The following HAUS4 variants were observed in gnomAD, a reference collection of about 807,000 sequenced individuals.
The protein encoded by HAUS4 is HAUS augmin-like complex subunit 4.
HAUS4 carries 34 observed loss-of-function variants against 50.6 expected under a neutral mutation model. The ratio of observed to expected loss-of-function variants is 0.67; its 90% CI spans 0.51 to 0.90. The LOEUF (loss-of-function observed/expected upper bound fraction) is 0.90, where lower values mean the gene tolerates loss of function less well. Among genes scored for constraint, HAUS4 ranks in the 40% least tolerant of loss-of-function variants. HAUS4 has a pLI of 0.00. For missense variants in HAUS4, 370 were observed against 428.7 expected, an observed-to-expected ratio of 0.86 and a Z score of 1.21; for synonymous variants, 149 against 161.4, an observed-to-expected ratio of 0.92 and a Z score of 0.58.
At chr14:22,955,241 T>G (rs1267110952) in intron 1 of HAUS4, 65 bp from the exon 2 acceptor site, 2 of 957,852 alleles carry the variant, frequency 2.1e-6, no homozygotes, top group Non-Finnish European at 3.4e-6. Flanking sequence ...CCAAGGACAC[T>G]ACCTTATGTT....
At chr14:22,949,170 A>G (rs1193228461) in intron 6 of HAUS4, among the ~76,000 whole-genome samples, 1 of 151,298 alleles carries the variant, frequency 6.6e-6, no homozygotes, top group South Asian at 2.1e-4. Context: ...AAAAAAAAAA[A>G]AAAGAAATGG....
intron 2 of HAUS4, chr14:22,954,337 A>G (rs1351063134): frequency 6.6e-6 from 1 of 152,204 alleles, no homozygotes; most frequent in Non-Finnish European, 1.5e-5. Flanking sequence ...TAAGGTACTG[A>G]AGCATCCAAT....
intron 5 of HAUS4, 163 bp downstream of exon 5, chr14:22,951,391 CA>C: frequency 1.4e-6 from 1 of 714,176 alleles, no homozygotes; most frequent in Non-Finnish European, 2.4e-6. Context: ...TGCAGTATTT[CA>C]GCTTTTACTT....
intron 6 of HAUS4, among the ~76,000 whole-genome samples, chr14:22,948,460 G>T (rs28425728): frequency 2.9e-5 from 4 of 139,622 alleles, no homozygotes; most frequent in Non-Finnish European, 6.2e-5. Flanking sequence ...AAAGCGGGGG[G>T]GGGGAGGGCA....
At chr14:22,951,735 T>C in intron 4 of HAUS4, 46 bp from the exon 5 acceptor site, 1 of 1,547,812 alleles carries the variant, frequency 6.5e-7, no homozygotes, top group South Asian at 1.2e-5. Context: ...CTATAAAACT[T>C]CTCCCACTCC....
intron 2 of HAUS4, among the ~76,000 whole-genome samples, chr14:22,954,135 C>T (rs1209300444): frequency 6.6e-6 from 1 of 152,146 alleles, no homozygotes; most frequent in Non-Finnish European, 1.5e-5. Context: ...ACAGCACAGG[C>T]ATGAGAAAAA....
chr14:22,955,645 G>C (rs1474240567), intron 1 of HAUS4: 1 of 151,842 alleles, frequency 6.6e-6, no homozygotes, highest in East Asian at 1.9e-4. Flanking sequence ...TTCTTTTTTT[G>C]TCTAAGATCT....
rs2139293430 is a variant in HAUS4 at position 22,948,394 on chromosome 14, G to A, written c.563-381C>T. 1.4e-5 allele frequency among the ~76,000 whole-genome samples: 2 copies of A among 138,404 alleles called. 1 individual carries two copies. The highest frequency in any genetic ancestry group is 7.8e-3 in the Middle Eastern group (2 of 258). The allele number at this position is 138,404 out of a possible 152,430, so 90.8% of individuals were successfully genotyped here. A position where few individuals can be genotyped will look rare whatever the true frequency, so the allele number is the denominator to read the frequency against. ...GAGCCCAGAAGGTCGAGGCTGCAGT[G>A]AGGTGTGATTGTACCACTGCACTCC... On this transcript the variant is annotated intron_variant, in intron 6 of 9. Coordinates refer to ENST00000541587, the MANE Select transcript of HAUS4 (RefSeq NM_001166269.2).
chr14:22,947,069 C>G, intron 9 of HAUS4, 102 bp downstream of exon 9: 1 of 806,892 alleles, frequency 1.2e-6, no homozygotes, highest in Non-Finnish European at 2.2e-6. Context: ...CAGGTGTGAG[C>G]CACTGTGCCC....
At position 22,952,678 on chromosome 14, in the gene HAUS4, T is replaced by C. The variant is rs749334427; in HGVS notation, c.61A>G (p.Ser21Gly). The C allele has an allele frequency of 1.3e-6, 2 of 1,599,770 alleles. No homozygotes were observed. Among genetic ancestry groups the C allele is most frequent in the Non-Finnish European group, 1.7e-6 (2 of 1,175,562 alleles). The change falls in exon 3 of 10, where the codon AGC becomes GGC. Residue 21 changes from serine to glycine, a missense_variant. Transcript: ENST00000541587. ...AGGTTACAAGGAGGAAGTTGTTTGC[T>C]GCACACTTAACATCATGTCCCCACA... The part of the protein sequence containing the change: ...EGMEILQQVC[S>G]KQLPPCNLSK...
chr14:22,947,264 C>A (rs769128060), intron 8 of HAUS4, 25 bp from the exon 9 acceptor site: 1 of 1,532,374 alleles, frequency 6.5e-7, no homozygotes. Context: ...AAAGAAATGT[C>A]AAGGCAGGAA....
At chr14:22,946,805 A>G in intron 9 of HAUS4, 97 bp from the exon 10 acceptor site, 1 of 773,696 alleles carries the variant, frequency 1.3e-6, no homozygotes, top group Middle Eastern at 3.2e-4. Flanking sequence ...TTTTTGTCAG[A>G]TGGAGTCTCG....
chr14:22,951,936 C>T (rs1271428263), intron 4 of HAUS4, among the ~76,000 whole-genome samples: 2 of 152,342 alleles, frequency 1.3e-5, no homozygotes, highest in African/African-American at 4.8e-5. Flanking sequence ...AAAGCTCCTA[C>T]TTCCCCTAGA....
rs369913534 is a variant in HAUS4, at chr14:22,947,919, C to T, written c.657G>A (p.Gln219=). 5.6e-6 allele frequency: 9 copies of T among 1,614,042 alleles called. No homozygotes were observed. Among genetic ancestry groups the T allele is most frequent in the Non-Finnish European group, 7.6e-6 (9 of 1,180,026 alleles). ...EQQQCQDAKS[Q]QKEQMLLLEK... ...CCAGCAGCAACATCTGCTCCTTCTG[C>T]TGGCTCTTGGCATCCTGGCACTGCT... Residue 219 remains glutamine, a synonymous_variant, in exon 7 of 10, where the codon CAG becomes CAA. Transcript: ENST00000541587.
At position 22,952,561 on chromosome 14, in the gene HAUS4, G is replaced by C; in HGVS notation, c.178C>G (p.Leu60Val). Residue 60 changes from leucine (L) to valine (V), a missense_variant, in exon 3 of 10, where the codon CTA becomes GTA. Physicochemically the swap from Leu to Val is conservative, Grantham distance 32. Transcript: ENST00000541587. The part of the protein sequence containing the change: ...HVDESGLSLT[L>V]AKEQAQAWKE... Reference sequence around the variant, plus strand: ...CTTACCTGAGCCTGCTCCTTTGCTAGGGTGAGGCTTAAGCCACTCTCATCC... The same window carrying C: ...CTTACCTGAGCCTGCTCCTTTGCTACGGTGAGGCTTAAGCCACTCTCATCC... The C allele has an allele frequency of 6.2e-7, 1 of 1,613,404 alleles. No homozygotes were observed. Among genetic ancestry groups the C allele is most frequent in the African/African-American group, 1.3e-5 (1 of 74,972 alleles).
intron 6 of HAUS4, among the ~76,000 whole-genome samples, chr14:22,948,454 C>CG (rs35564273): frequency 0.53 from 30,647 of 58,072 alleles, 7,115 homozygotes; most frequent in East Asian, 0.79. Context: ...AAAAAAAAAG[C>CG]GGGGGGGGGG....
At chr14:22,950,542 T>A (rs1390491824) in intron 5 of HAUS4, 132 bp from the exon 6 acceptor site, 2 of 584,744 alleles carry the variant, frequency 3.4e-6, no homozygotes, top group Non-Finnish European at 6.2e-6. Context: ...AGAGACTCAT[T>A]TTTCACCTAT....
intron 2 of HAUS4, 57 bp downstream of exon 2, chr14:22,955,043 C>T: frequency 7.8e-7 from 1 of 1,276,290 alleles, no homozygotes; most frequent in Non-Finnish European, 1.1e-6. Flanking sequence ...AAGGCAAGAA[C>T]CTGGATAAGA....
At chr14:22,947,141 C>G (rs747310453) in intron 9 of HAUS4, 30 bp downstream of exon 9, 13 of 1,373,674 alleles carry the variant, frequency 9.5e-6, no homozygotes, top group Admixed American at 3.3e-5. Flanking sequence ...CACCTGTGAA[C>G]AGCTGTACCA....
Sources: gnomAD v4.1 joint callset for allele counts (sites outside exome capture counted in the v4.1 genomes callset) on GRCh38, gnomAD v4.1.1 for gene constraint, MANE v1.5 for transcripts, NCBI Gene and HGNC (gene_info 2026-07-23, HGNC 2026-07-21) for gene names.